SLC9B1: variants seen among roughly 807,000 people sequenced by gnomAD.
The protein encoded by SLC9B1 is solute carrier family 9 member B1, also known as sodium/hydrogen exchanger 9B1.
SLC9B1 carries 32 observed loss-of-function variants against 51.7 expected under a neutral mutation model. The ratio of observed to expected loss-of-function variants is 0.62; its 90% CI spans 0.47 to 0.83. The LOEUF is 0.83. Among genes scored for constraint, SLC9B1 ranks in the 40% least tolerant of loss-of-function variants. The probability of loss-of-function intolerance (pLI) is 0.00; values close to 1 mark genes in which losing one functional copy is unlikely to be tolerated. For synonymous variants in SLC9B1, 145 were observed against 212.7 expected (o/e 0.68, Z 2.77); for missense variants, 406 against 613.2 (o/e 0.66, Z 3.57).
intron 1 of SLC9B1, 37 bp downstream of exon 1, chr4:103,019,562 G>C: frequency 1.0e-6 from 1 of 984,812 alleles, no homozygotes; most frequent in Non-Finnish European, 1.2e-6. Context: ...AGCGCCAAAG[G>C]GCTTGGAAGG....
intron 6 of SLC9B1, chr4:102,941,357 A>G: frequency 2.5e-6 from 1 of 399,340 alleles, no homozygotes; most frequent in South Asian, 1.8e-5. Context: ...ACTTCTCAAA[A>G]GAAGACAAAC....
chr4:102,963,974 T>C (rs1228858425), intron 3 of SLC9B1, among the ~76,000 whole-genome samples: 1 of 151,926 alleles, frequency 6.6e-6, no homozygotes, highest in Non-Finnish European at 1.5e-5. Context: ...AAACGATAAA[T>C]ACAGAACAGG....
downstream of SLC9B1, among the ~76,000 whole-genome samples, chr4:102,900,692 C>CT (rs1391497520): frequency 2.0e-5 from 3 of 152,000 alleles, no homozygotes; most frequent in Non-Finnish European, 2.9e-5. Context: ...TTGTGGTGAT[C>CT]TTTTTAACTG....
At chr4:102,961,281 G>C (rs1375872219) in intron 3 of SLC9B1, among the ~76,000 whole-genome samples, 1 of 152,240 alleles carries the variant, frequency 6.6e-6, no homozygotes, top group African/African-American at 2.4e-5. Context: ...GAAAGTAATA[G>C]AAGACTAAAA....
At chr4:102,943,506 T>TACACACACACACAC (rs373442152) in intron 6 of SLC9B1, among the ~76,000 whole-genome samples, 12,328 of 145,402 alleles carry the variant, frequency 0.085, 586 homozygotes, top group East Asian at 0.13. Context: ...TGTGTATGTA[T>TACACACACACACAC]ACACACACAC....
At chr4:102,886,655 A>G (rs1281883789) in intron 11 of SLC9B1, among the ~76,000 whole-genome samples, 2 of 152,014 alleles carry the variant, frequency 1.3e-5, no homozygotes, top group African/African-American at 2.4e-5. Context: ...TTGCTCTGTC[A>G]CTCAGGCTGA....
At chr4:102,900,599 T>C (rs561031382), downstream of SLC9B1, among the ~76,000 whole-genome samples, 8 of 152,284 alleles carry the variant, frequency 5.3e-5, no homozygotes, top group South Asian at 1.7e-3. Context: ...TATTATTTAC[T>C]CAGGTAGTCA....
At chr4:102,912,816 T>C (rs1446922323) in intron 7 of SLC9B1, among the ~76,000 whole-genome samples, 8 of 152,086 alleles carry the variant, frequency 5.3e-5, no homozygotes, top group Non-Finnish European at 1.0e-4. Flanking sequence ...AGTTTGAGGC[T>C]GCACTCCAGC....
At chr4:102,903,927 G>C (rs1408715366) in intron 11 of SLC9B1, among the ~76,000 whole-genome samples, 1 of 151,886 alleles carries the variant, frequency 6.6e-6, no homozygotes, top group South Asian at 2.1e-4. Flanking sequence ...GCAGGGGCAG[G>C]GATTTAGCCA....
chr4:102,928,043 A>T (rs1736274462), intron 7 of SLC9B1, among the ~76,000 whole-genome samples: 1 of 145,340 alleles, frequency 6.9e-6, no homozygotes, highest in Non-Finnish European at 1.5e-5. Context: ...ACTTGGACAC[A>T]GGGCTGGGAA....
At chr4:102,902,245 T>TA (rs1734823759) in intron 11 of SLC9B1, among the ~76,000 whole-genome samples, 1 of 152,128 alleles carries the variant, frequency 6.6e-6, no homozygotes, top group Non-Finnish European at 1.5e-5. Context: ...TACCAATATA[T>TA]AACATATTTT....
rs1234239558 is a variant in SLC9B1, at chr4:102,975,592, T to A, written c.211+14208A>T. Among the ~76,000 whole-genome samples the A allele has an allele frequency of 4.2e-4, 49 of 117,922 alleles. 1 individual carries two copies. The highest frequency in any genetic ancestry group is 1.7e-3 in the African/African-American group (47 of 28,292). 77.4% of individuals were successfully genotyped at this position (117,922 alleles called of 152,430 possible). A position where few individuals can be genotyped will look rare whatever the true frequency, so the allele number is the denominator to read the frequency against. On this transcript the variant is annotated intron_variant, in intron 3 of 11. Coordinates refer to ENST00000296422, the MANE Select transcript of SLC9B1 (RefSeq NM_139173.4). ...TATATATATATATATATATATTTTT[T>A]TTTTTTTTTTTTTTTTTGAGGCTGG...
chr4:102,946,640 A>G lies in SLC9B1; in HGVS notation c.525+7T>C, dbSNP rs775557153. ...TAACCTTACTCGATTTGTAATTGTA[A>G]ATCTACCTGTGGATCGAGTCCAAGC... On this transcript the variant is annotated splice_region_variant and intron_variant, in intron 5 of 11. Transcript: ENST00000296422. 2 of 1,599,538 alleles carry G rather than the reference A, an allele frequency of 1.3e-6. No homozygotes were observed. Among genetic ancestry groups the G allele is most frequent in the Non-Finnish European group, 1.7e-6 (2 of 1,176,488 alleles).
chr4:102,919,563 T>C (rs562528905), intron 7 of SLC9B1, among the ~76,000 whole-genome samples: 283 of 151,908 alleles, frequency 1.9e-3, no homozygotes, highest in African/African-American at 6.6e-3. Context: ...GGTTGGAGAG[T>C]GGGTGCAGGC....
intron 1 of SLC9B1, among the ~76,000 whole-genome samples, chr4:103,005,709 A>G (rs758956884): frequency 1.3e-5 from 2 of 152,142 alleles, no homozygotes; most frequent in Non-Finnish European, 2.9e-5. Flanking sequence ...ATCAGCCATA[A>G]AACAATTCTC....
chr4:102,987,662 C>T (rs1192854531), intron 3 of SLC9B1, among the ~76,000 whole-genome samples: 1 of 152,130 alleles, frequency 6.6e-6, no homozygotes, highest in Non-Finnish European at 1.5e-5. Context: ...CCCTCTCCTC[C>T]TGCTGGTTGG....
At chr4:102,941,485 A>G in intron 6 of SLC9B1, 2 of 455,844 alleles carry the variant, frequency 4.4e-6, no homozygotes, top group Non-Finnish European at 4.4e-6. Context: ...TCAAAAAGTC[A>G]AAAAGTAACA....
At chr4:102,999,512 A>G (rs1213420604) in intron 1 of SLC9B1, among the ~76,000 whole-genome samples, 5 of 152,120 alleles carry the variant, frequency 3.3e-5, no homozygotes, top group Non-Finnish European at 5.9e-5. Flanking sequence ...TCAATTTTCT[A>G]TCTTGGCTTA....
chr4:102,974,916 T>A (rs1738972483), intron 3 of SLC9B1, among the ~76,000 whole-genome samples: 2 of 152,236 alleles, frequency 1.3e-5, no homozygotes, highest in South Asian at 4.1e-4. Flanking sequence ...GTAAATCTAG[T>A]AATGTATTCT....
Sources: allele counts gnomAD v4.1 joint callset (sites outside exome capture counted in the v4.1 genomes callset), GRCh38; gene constraint gnomAD v4.1.1; transcripts MANE v1.5; gene names NCBI Gene and HGNC (gene_info 2026-07-23, HGNC 2026-07-21).